The following UGT1A7 variants were observed in gnomAD, a reference collection of about 807,000 sequenced individuals.
UGT1A7 encodes UDP glucuronosyltransferase family 1 member A7, also known as UDP-glucuronosyltransferase 1A7.
A neutral mutation model predicts 45.6 loss-of-function variants in UGT1A7; 33 were observed. That is an observed-to-expected ratio of 0.72 (90% CI 0.55 to 0.97). The LOEUF (loss-of-function observed/expected upper bound fraction) is 0.97. UGT1A7 is among the 50% of genes least tolerant of loss of function. UGT1A7 has a pLI of 0.00. For missense variants in UGT1A7, 684 were observed against 666.2 expected, an observed-to-expected ratio of 1.03 and a Z score of -0.29; for synonymous variants, 274 against 250.6, an observed-to-expected ratio of 1.09 and a Z score of -0.88.
intron 1 of UGT1A7, chr2:233,718,866 C>A: frequency 4.3e-6 from 7 of 1,613,892 alleles, no homozygotes; most frequent in Non-Finnish European, 5.9e-6. Context: ...GGCCACAGGA[C>A]TGCTGCTCCT....
intron 1 of UGT1A7, chr2:233,760,629 G>C: frequency 1.2e-6 from 2 of 1,614,104 alleles, no homozygotes; most frequent in Non-Finnish European, 1.7e-6. Context: ...AAACATACAA[G>C]AAAATAAAAA....
rs41270755 is a variant in UGT1A7 at position 233,713,136 on chromosome 2, C to T, written c.855+30344C>T. On this transcript the variant is annotated intron_variant, in intron 1 of 4. Transcript: ENST00000373426. The stretch of plus-strand genomic sequence containing the variant: ...CTGGCTCAGCATGCGGGAGGCCTTG[C>T]GGGACCTCCATGCGAGAGGCCACCA... The T allele has an allele frequency of 1.3e-3, 2,088 of 1,614,170 alleles. 4 individuals are homozygous for T. The highest frequency in any genetic ancestry group is 1.7e-3 in the Non-Finnish European group (1,948 of 1,180,016).
At chr2:233,714,230 T>C (rs2076374680) in intron 1 of UGT1A7, among the ~76,000 whole-genome samples, 1 of 152,196 alleles carries the variant, frequency 6.6e-6, no homozygotes, top group Non-Finnish European at 1.5e-5. Context: ...GGCAAGATTT[T>C]CAGTAGAAAG....
intron 1 of UGT1A7, among the ~76,000 whole-genome samples, chr2:233,751,156 T>G (rs1334188650): frequency 6.6e-6 from 1 of 151,998 alleles, no homozygotes; most frequent in Non-Finnish European, 1.5e-5. Context: ...ACTTCTGGCA[T>G]CAGCATGACC....
At chr2:233,682,886 C>T (rs2074605212) in intron 1 of UGT1A7, 94 bp downstream of exon 1, 4 of 1,509,966 alleles carry the variant, frequency 2.6e-6, no homozygotes, top group Non-Finnish European at 2.6e-6. Flanking sequence ...TACATTTGTC[C>T]CATTTGGAAT....
chr2:233,729,223 G>T, intron 1 of UGT1A7: 1 of 1,614,166 alleles, frequency 6.2e-7, no homozygotes, highest in Non-Finnish European at 8.5e-7. Context: ...AAAGGTGTTG[G>T]TGGTGCCCAT....
At chr2:233,768,033 A>C in intron 3 of UGT1A7, 97 bp downstream of exon 3, 1 of 1,612,338 alleles carries the variant, frequency 6.2e-7, no homozygotes, top group South Asian at 1.1e-5. Flanking sequence ...GCTTGAAAAT[A>C]TTATGGCCAA....
At chr2:233,731,724 G>T (rs2078197390) in intron 1 of UGT1A7, among the ~76,000 whole-genome samples, 1 of 152,166 alleles carries the variant, frequency 6.6e-6, no homozygotes, top group Non-Finnish European at 1.5e-5. Context: ...TTGCTATTGT[G>T]AATAGTGCCA....
chr2:233,727,866 T>C (rs1246200452), intron 1 of UGT1A7, among the ~76,000 whole-genome samples: 1 of 152,128 alleles, frequency 6.6e-6, no homozygotes, highest in Non-Finnish European at 1.5e-5. Context: ...AAGGGAAGCC[T>C]CAGCCTCACC....
rs45547931 is a variant in UGT1A7 at position 233,729,802 on chromosome 2, G to A, written c.856-37232G>A. ...TCTGGCCCTGTCCTACATTTGCCAT[G>A]CTTTTTCTGCTCCTTATGCAAGCCT... On this transcript the variant is annotated intron_variant, in intron 1 of 4. Transcript: ENST00000373426. 1.3e-5 allele frequency: 21 copies of A among 1,613,942 alleles called. No homozygotes were observed. The East Asian group carries it at 3.8e-4, about 29-fold the overall frequency.
At position 233,746,640 on chromosome 2, in the gene UGT1A7, A is replaced by C. The variant is rs553124614; in HGVS notation, c.856-20394A>C. Among the ~76,000 whole-genome samples the C allele has an allele frequency of 3.3e-5, 5 of 151,640 alleles. No individual in the cohort carries two copies. In the East Asian group the frequency reaches 9.7e-4, roughly 29 times the overall value. On this transcript the variant is annotated intron_variant, in intron 1 of 4. Transcript: ENST00000373426. ...TCCTTTCAGGCAAGGACCATTTCTA[A>C]CTTGGCTTTCTGTCCCGAGTTCCTA...
rs149750520 is a variant in UGT1A7, at chr2:233,767,884, T to C, written c.1023T>C (p.Asn341=). ...GGTACACTGGAACCCGACCATCGAA[T>C]CTTGCGAACAACACGATACTTGTTA... The part of the protein sequence containing the change: ...LWRYTGTRPS[N]LANNTILVKW... The change falls in exon 3 of 5, where the codon AAT becomes AAC. Residue 341 remains asparagine (N), a synonymous_variant. Coordinates refer to ENST00000373426, the MANE Select transcript of UGT1A7 (RefSeq NM_019077.3). The C allele has an allele frequency of 6.2e-7, 1 of 1,614,080 alleles. No homozygotes were observed. Among genetic ancestry groups the C allele is most frequent in the East Asian group, 2.2e-5 (1 of 44,900 alleles).
chr2:233,747,273 C>T, intron 1 of UGT1A7: 4 of 1,598,968 alleles, frequency 2.5e-6, no homozygotes, highest in Non-Finnish European at 3.4e-6. Context: ...TACTCCTTCT[C>T]AGTGCCCAGC....
At chr2:233,740,770 T>C (rs1691472296) in intron 1 of UGT1A7, 2 of 151,812 alleles carry the variant, frequency 1.3e-5, no homozygotes, top group Admixed American at 6.5e-5. Flanking sequence ...CAAACCGTTG[T>C]ATAAAAGATG....
intron 1 of UGT1A7, among the ~76,000 whole-genome samples, chr2:233,752,050 A>C (rs1396714360): frequency 6.6e-6 from 1 of 152,244 alleles, no homozygotes; most frequent in Non-Finnish European, 1.5e-5. Context: ...TGTTGTGTGA[A>C]TGATTTCCCG....
At chr2:233,713,098 C>T (rs2076277745) in intron 1 of UGT1A7, 2 of 1,614,198 alleles carry the variant, frequency 1.2e-6, no homozygotes, top group Non-Finnish European at 8.5e-7. Context: ...GTGGTGCCCA[C>T]TGATGGCAGC....
Position 233,741,236 on chromosome 2 carries a change from A to C in UGT1A7, c.856-25798A>C, listed in dbSNP as rs1691598221. ...AGTTGTTACAGACCCACTACCTCTG[A>C]GTGACACTGGTATGCCACTCTTTGC... On this transcript the variant is annotated intron_variant, in intron 1 of 4. Coordinates refer to ENST00000373426, the MANE Select transcript of UGT1A7 (RefSeq NM_019077.3). 1.3e-5 allele frequency among the ~76,000 whole-genome samples: 2 copies of C among 151,870 alleles called. 1 individual carries two copies. The highest frequency in any genetic ancestry group is 4.9e-5 in the African/African-American group (2 of 41,122).
chr2:233,708,372 C>T (rs959388871), intron 1 of UGT1A7: 5 of 152,104 alleles, frequency 3.3e-5, no homozygotes, highest in African/African-American at 9.7e-5. Context: ...TTCATTTAAA[C>T]GTCTTTTGTG....
chr2:233,683,091 G>A (rs796158356), intron 1 of UGT1A7, among the ~76,000 whole-genome samples: 36 of 151,776 alleles, frequency 2.4e-4, no homozygotes, highest in African/African-American at 8.7e-4. Context: ...CCCTTTTTTT[G>A]CTAATTCTAC....
Sources: allele counts gnomAD v4.1 joint callset (sites outside exome capture counted in the v4.1 genomes callset), GRCh38; gene constraint gnomAD v4.1.1; transcripts MANE v1.5; gene names NCBI Gene and HGNC (gene_info 2026-07-23, HGNC 2026-07-21).